Variants in LMAN2 observed in about 807,000 individuals in gnomAD.
LMAN2 encodes the protein lectin, mannose binding 2.
Under a neutral mutation model 39.3 loss-of-function variants are expected in LMAN2, and 22 were observed. The observed-to-expected ratio is 0.56, with a 90% confidence interval of 0.40 to 0.80. LMAN2 has a LOEUF of 0.80. Among genes scored for constraint, LMAN2 ranks in the 30% least tolerant of loss-of-function variants. The probability of loss-of-function intolerance (pLI) is 0.00; values close to 1 mark genes in which losing one functional copy is unlikely to be tolerated. For missense variants in LMAN2, 494 were observed against 505.4 expected (o/e 0.98, Z 0.22); for synonymous variants, 207 against 207.8 (o/e 1.00, Z 0.03).
In LMAN2 at chr5:177,334,390, G is replaced by T. The variant is rs1761438808; in HGVS notation, c.804C>A (p.Ile268=). The T allele has an allele frequency of 1.2e-6, 2 of 1,613,238 alleles. No individual in the cohort carries two copies. Among genetic ancestry groups the T allele is most frequent in the African/African-American group, 1.3e-5 (1 of 75,060 alleles). ...TCAGCTGGAACAGCTTCATGGAGATGATGTCATGATTGTCTGCAGGACCAA... is the reference window on the plus strand; with the variant it reads ...TCAGCTGGAACAGCTTCATGGAGATTATGTCATGATTGTCTGCAGGACCAA... ...GTGDLSDNHD[I]ISMKLFQLMV... is the part of the protein sequence containing the mutation. The change falls in exon 7 of 8, where the codon ATC becomes ATA. Residue 268 remains isoleucine (I), a synonymous_variant. Coordinates refer to ENST00000303127, the MANE Select transcript of LMAN2 (RefSeq NM_006816.3).
chr5:177,335,017 C>A (rs773862949), intron 6 of LMAN2, among the ~76,000 whole-genome samples: 2 of 152,246 alleles, frequency 1.3e-5, no homozygotes, highest in Non-Finnish European at 2.9e-5. Context: ...GGGAAGAGCC[C>A]TGGCTTGACG....
At chr5:177,342,725 C>T (rs1761574805) in intron 2 of LMAN2, among the ~76,000 whole-genome samples, 1 of 151,356 alleles carries the variant, frequency 6.6e-6, no homozygotes, top group Admixed American at 6.6e-5. Context: ...CCCTTTAAAA[C>T]TCTTAGAAGA....
At chr5:177,336,642 T>C (rs73330444) in intron 6 of LMAN2, among the ~76,000 whole-genome samples, 2,469 of 152,058 alleles carry the variant, frequency 0.016, 55 homozygotes, top group African/African-American at 0.057. Context: ...AGCAAGCAAA[T>C]AGAGGGGCAC....
intron 2 of LMAN2, chr5:177,346,020 G>C (rs189238209): frequency 6.6e-6 from 1 of 152,184 alleles, no homozygotes; most frequent in East Asian, 1.9e-4. Context: ...TGCCTGCCTC[G>C]GCCTCCCAAA....
chr5:177,338,418 C>T, intron 3 of LMAN2, 70 bp downstream of exon 3: 3 of 1,308,780 alleles, frequency 2.3e-6, no homozygotes, highest in Non-Finnish European at 3.3e-6. Context: ...CCCACCCCAC[C>T]TCCCTAGGGG....
chr5:177,349,498 G>A (rs1761690782), intron 2 of LMAN2, among the ~76,000 whole-genome samples: 1 of 152,154 alleles, frequency 6.6e-6, no homozygotes, highest in Admixed American at 6.5e-5. Flanking sequence ...GTGGAGGAAG[G>A]AAGGCAAAAC....
At chr5:177,343,796 T>G (rs1013306354) in intron 2 of LMAN2, among the ~76,000 whole-genome samples, 1 of 151,582 alleles carries the variant, frequency 6.6e-6, no homozygotes, top group African/African-American at 2.4e-5. Flanking sequence ...GGGATGGGAG[T>G]GATTGTTAAA....
At chr5:177,347,190 G>C (rs1165960435) in intron 2 of LMAN2, among the ~76,000 whole-genome samples, 1 of 152,172 alleles carries the variant, frequency 6.6e-6, no homozygotes, top group African/African-American at 2.4e-5. Context: ...TTGGTGCCCA[G>C]GAGTTTTCTG....
chr5:177,338,790 A>T (rs1282697683), intron 2 of LMAN2, among the ~76,000 whole-genome samples, 185 bp from the exon 3 acceptor site: 1 of 152,198 alleles, frequency 6.6e-6, no homozygotes, highest in African/African-American at 2.4e-5. Flanking sequence ...CCGTGAAGGG[A>T]AGAGACTGTT....
At chr5:177,333,592 C>G (rs925555663) in intron 7 of LMAN2, among the ~76,000 whole-genome samples, 1 of 152,230 alleles carries the variant, frequency 6.6e-6, no homozygotes, top group Non-Finnish European at 1.5e-5. Context: ...CATGGGGACC[C>G]AGGGCTGGGC....
rs529592666 is a variant in LMAN2 at position 177,332,729 on chromosome 5, C to G, written c.911-483G>C. 6.6e-6 allele frequency among the ~76,000 whole-genome samples: 1 copy of G among 152,260 alleles called. No homozygotes were observed. The highest frequency in any genetic ancestry group is 1.5e-5 in the Non-Finnish European group (1 of 67,994). On this transcript the variant is annotated intron_variant, in intron 7 of 7. Transcript: ENST00000303127. The surrounding 1 kb of genome is among the most constrained non-coding windows in gnomAD (Gnocchi z 6.3). ...CAGGACCTGAGTCCCACACTCCACC[C>G]CAGCCCACAGCCTCTCTCCTCCACA...
rs752212044 is a variant in LMAN2, at chr5:177,345,736, C to CATTTATTTATTT, written c.315+5425_315+5436dup. On this transcript the variant is annotated intron_variant, in intron 2 of 7. Transcript: ENST00000303127. The stretch of plus-strand genomic sequence containing the variant: ...GAAGGCTCGCAGCAGCCATGGCATG[C>CATTTATTTATTT]ATTTATTTATTTATTTATTTATTTA... Among the ~76,000 whole-genome samples, 143 of 135,552 alleles carry CATTTATTTATTT rather than the reference C, an allele frequency of 1.1e-3. 1 individual carries two copies. The highest frequency in any genetic ancestry group is 7.8e-3 in the East Asian group (36 of 4,640). 88.9% of individuals were successfully genotyped at this position (135,552 alleles called of 152,430 possible). A position where few individuals can be genotyped will look rare whatever the true frequency, so the allele number is the denominator to read the frequency against.
rs368307169 is a variant in LMAN2, at chr5:177,344,935, A to AAGAAG, written c.315+6233_315+6237dup. ...AAAGAAAAGAAAAGAAAAGAAGAGA[A>AAGAAG]AGAAGAGAAGAGAAAAGAAAAGGAA... On this transcript the variant is annotated intron_variant, in intron 2 of 7. Transcript: ENST00000303127. Among the ~76,000 whole-genome samples, 147 of 151,900 alleles carry AAGAAG rather than the reference A, an allele frequency of 9.7e-4. 1 individual carries two copies. The South Asian group carries it at 0.012, about 13-fold the overall frequency.
Position 177,337,313 on chromosome 5 carries a change from G to A in LMAN2, c.675+50C>T. The stretch of plus-strand genomic sequence containing the variant: ...CAGCCTGCCCTCCTGAGCCTCTGTG[G>A]GACCAGCACAGGGCCACCAGCTGCC... On this transcript the variant is annotated intron_variant, in intron 5 of 7. Transcript: ENST00000303127. This position sits in a 1 kb window ranked among gnomAD's most constrained non-coding sequence, Gnocchi z 8.2. 6.2e-7 allele frequency: 1 copy of A among 1,611,240 alleles called. No homozygotes were observed. The highest frequency in any genetic ancestry group is 8.5e-7 in the Non-Finnish European group (1 of 1,179,678).
In LMAN2 at chr5:177,332,797, T is replaced by C. The variant is rs1378777055; in HGVS notation, c.911-551A>G. Among the ~76,000 whole-genome samples the C allele has an allele frequency of 1.3e-5, 2 of 152,162 alleles. No homozygotes were observed. Among genetic ancestry groups the C allele is most frequent in the Non-Finnish European group, 2.9e-5 (2 of 68,014 alleles). ...CTGCCCATCCTGGGATGGGGCCCAC[T>C]GGTACGCTCCCTTGTACAGGCGGAG... On this transcript the variant is annotated intron_variant, in intron 7 of 7. Coordinates refer to ENST00000303127, the MANE Select transcript of LMAN2 (RefSeq NM_006816.3). This position sits in a 1 kb window ranked among gnomAD's most constrained non-coding sequence, Gnocchi z 6.3.
intron 2 of LMAN2, among the ~76,000 whole-genome samples, chr5:177,350,392 C>T (rs1028404663): frequency 2.6e-5 from 4 of 152,196 alleles, no homozygotes; most frequent in Non-Finnish European, 5.9e-5. Context: ...CCTTTTTCCT[C>T]ACCTTGACTG....
chr5:177,345,579 T>G (rs1003544696), intron 2 of LMAN2, among the ~76,000 whole-genome samples: 6 of 151,938 alleles, frequency 3.9e-5, no homozygotes, highest in African/African-American at 1.4e-4. Flanking sequence ...AAATGTATCA[T>G]GCAAACACTA....
intron 7 of LMAN2, 34 bp downstream of exon 7, chr5:177,334,250 C>T: frequency 1.3e-6 from 2 of 1,592,484 alleles, no homozygotes; most frequent in Non-Finnish European, 1.7e-6. Flanking sequence ...TCAGGCCGCC[C>T]AGGCCCAGGC....
intron 2 of LMAN2, among the ~76,000 whole-genome samples, chr5:177,341,185 G>A (rs1480287335): frequency 6.6e-6 from 1 of 150,690 alleles, no homozygotes; most frequent in African/African-American, 2.4e-5. Context: ...TCCTGCCTCA[G>A]CCTCCTGAGG....
Sources: gnomAD v4.1 joint callset for allele counts (sites outside exome capture counted in the v4.1 genomes callset) on GRCh38, gnomAD v4.1.1 for gene constraint, Gnocchi (gnomAD v3.1) non-coding constraint, MANE v1.5 for transcripts, NCBI Gene and HGNC (gene_info 2026-07-23, HGNC 2026-07-21) for gene names.